The following DIP2C variants were observed in gnomAD, a reference collection of about 807,000 sequenced individuals.
DIP2C encodes the protein DIP2 acetate--CoA ligase C (putative).
DIP2C carries 33 observed loss-of-function variants against 192.4 expected under a neutral mutation model. The observed-to-expected ratio is 0.17, with a 90% CI of 0.13 to 0.23. The LOEUF (loss-of-function observed/expected upper bound fraction) is 0.23. Ranked by LOEUF, DIP2C falls within the 10% of genes least tolerant of loss-of-function variation. The pLI is 1.00. For missense variants in DIP2C, 1,537 were observed against 2,110.1 expected, an observed-to-expected ratio of 0.73 and a Z score of 5.32; for synonymous variants, 979 against 864.1, an observed-to-expected ratio of 1.13 and a Z score of -2.33.
intron 1 of DIP2C, among the ~76,000 whole-genome samples, chr10:509,345 A>G (rs1466680891): frequency 2.0e-5 from 3 of 152,164 alleles, no homozygotes; most frequent in Non-Finnish European, 4.4e-5. Context: ...GACACTAAGG[A>G]GCTTGTCCAA....
intron 1 of DIP2C, among the ~76,000 whole-genome samples, chr10:564,127 A>AT (rs1835923704): frequency 6.6e-6 from 1 of 152,172 alleles, no homozygotes; most frequent in Admixed American, 6.5e-5. Flanking sequence ...AGGGGAGCAA[A>AT]TTCTCAGACC....
chr10:358,421 A>G, intron 22 of DIP2C, among the ~76,000 whole-genome samples: 1 of 148,996 alleles, frequency 6.7e-6, no homozygotes. Context: ...TCAGAGAGTG[A>G]TACTGTGGAC....
intron 3 of DIP2C, among the ~76,000 whole-genome samples, chr10:469,630 C>T (rs1233553686): frequency 6.6e-6 from 1 of 152,116 alleles, no homozygotes; most frequent in Non-Finnish European, 1.5e-5. Flanking sequence ...ACAGATATCT[C>T]TTAAGTACAC....
At chr10:564,801 A>G (rs1172839729) in intron 1 of DIP2C, among the ~76,000 whole-genome samples, 1 of 152,132 alleles carries the variant, frequency 6.6e-6, no homozygotes, top group Non-Finnish European at 1.5e-5. Context: ...TGCTCTTCCC[A>G]TCTCAGAAAA....
intron 9 of DIP2C, among the ~76,000 whole-genome samples, chr10:405,184 T>C (rs1964713634): frequency 6.6e-6 from 1 of 152,238 alleles, no homozygotes; most frequent in Non-Finnish European, 1.5e-5. Context: ...AGAGGATGCG[T>C]GTCATCCCCA....
At position 288,601 on chromosome 10, in the gene DIP2C, G is replaced by A. The variant is rs145763004; in HGVS notation, c.3987-180C>T. On this transcript the variant is annotated intron_variant, in intron 32 of 36. Transcript: ENST00000280886. ...AGCAGCAGAGGAAACTGAACCCGAAGCGAGGGCCACAGAGAAGGCAGATGA... is the reference window on the plus strand; with the variant it reads ...AGCAGCAGAGGAAACTGAACCCGAAACGAGGGCCACAGAGAAGGCAGATGA... Among the ~76,000 whole-genome samples, 3 of 152,350 alleles carry A rather than the reference G, an allele frequency of 2.0e-5. No homozygotes were observed. The East Asian group carries it at 5.8e-4, about 29-fold the overall frequency.
chr10:543,430 G>A (rs1483032819), intron 1 of DIP2C, among the ~76,000 whole-genome samples: 6 of 152,196 alleles, frequency 3.9e-5, no homozygotes, highest in African/African-American at 7.2e-5. Flanking sequence ...TTAAACTGAC[G>A]TTGCCGTGAC....
At chr10:542,754 G>A (rs1340631086) in intron 1 of DIP2C, among the ~76,000 whole-genome samples, 2 of 151,554 alleles carry the variant, frequency 1.3e-5, no homozygotes, top group Non-Finnish European at 2.9e-5. Flanking sequence ...GGAGTGGGGG[G>A]TTCTGACCTT....
chr10:336,387 T>C (rs755616991), intron 29 of DIP2C, among the ~76,000 whole-genome samples: 1 of 152,220 alleles, frequency 6.6e-6, no homozygotes, highest in Non-Finnish European at 1.5e-5. Context: ...TAAACAAACC[T>C]GTGCTGCCAG....
intron 3 of DIP2C, among the ~76,000 whole-genome samples, chr10:463,208 T>C (rs1039886525): frequency 2.0e-5 from 3 of 152,162 alleles, no homozygotes; most frequent in African/African-American, 4.8e-5. Flanking sequence ...GAAAGTCAAA[T>C]TGTTTCTGTT....
intron 32 of DIP2C, among the ~76,000 whole-genome samples, chr10:302,563 A>G (rs1405766506): frequency 1.3e-5 from 2 of 152,304 alleles, no homozygotes; most frequent in South Asian, 4.1e-4. Context: ...ACAAGGCAAC[A>G]TCCTGAGAAA....
intron 1 of DIP2C, among the ~76,000 whole-genome samples, chr10:541,303 G>A (rs1847971597): frequency 6.6e-6 from 1 of 152,120 alleles, no homozygotes. Flanking sequence ...CAGGTTAAAT[G>A]TCAAAGCACA....
chr10:551,785 G>T (rs1848602191), intron 1 of DIP2C, among the ~76,000 whole-genome samples: 1 of 152,184 alleles, frequency 6.6e-6, no homozygotes, highest in Non-Finnish European at 1.5e-5. Flanking sequence ...TCAACTCCAG[G>T]CTCCTCAGAG....
intron 1 of DIP2C, among the ~76,000 whole-genome samples, chr10:530,762 ACT>A (rs1482492271): frequency 1.3e-5 from 2 of 151,810 alleles, no homozygotes; most frequent in Non-Finnish European, 2.9e-5. Context: ...GACGAGATGG[ACT>A]CTCTGTGGCT....
chr10:502,008 T>C (rs926248542), intron 1 of DIP2C, among the ~76,000 whole-genome samples: 11 of 152,208 alleles, frequency 7.2e-5, no homozygotes, highest in African/African-American at 2.7e-4. Flanking sequence ...TAATTGGGTA[T>C]GACAGCATGC....
At chr10:442,298 G>A (rs1043709349) in intron 3 of DIP2C, among the ~76,000 whole-genome samples, 18 of 152,028 alleles carry the variant, frequency 1.2e-4, no homozygotes, top group African/African-American at 2.9e-4. Context: ...CAGACCCGCC[G>A]CATCACGCCC....
intron 2 of DIP2C, among the ~76,000 whole-genome samples, chr10:473,795 A>G (rs1252091898): frequency 6.6e-6 from 1 of 152,260 alleles, no homozygotes; most frequent in Non-Finnish European, 1.5e-5. Context: ...TAAGTTAACA[A>G]AAGAAATATT....
chr10:301,613 TG>T (rs1956051905), intron 32 of DIP2C, among the ~76,000 whole-genome samples: 1 of 152,240 alleles, frequency 6.6e-6, no homozygotes. Context: ...ACAGTCTCTC[TG>T]GGATATGGAT....
chr10:369,819 C>T (rs547547454), intron 17 of DIP2C, 186 bp from the exon 18 acceptor site: 11 of 1,297,692 alleles, frequency 8.5e-6, no homozygotes, highest in African/African-American at 4.4e-5. Flanking sequence ...CAGCTGGCAG[C>T]GAGTCTACTG....
Sources: allele counts gnomAD v4.1 joint callset (sites outside exome capture counted in the v4.1 genomes callset), GRCh38; gene constraint gnomAD v4.1.1; transcripts MANE v1.5; gene names NCBI Gene and HGNC (gene_info 2026-07-23, HGNC 2026-07-21).